The following MREG variants were observed in gnomAD, a reference collection of about 807,000 sequenced individuals.
MREG encodes melanoregulin, also known as dilute suppressor protein homolog.
In MREG, 31 loss-of-function variants were observed where a neutral mutation model predicts 28.5. The ratio of observed to expected loss-of-function variants is 1.09; its 90% CI spans 0.82 to 1.47. MREG has a LOEUF of 1.47. MREG is among the 40% of genes most tolerant of loss of function. The pLI, the probability that MREG is intolerant of heterozygous loss-of-function variation, is 0.00. For synonymous variants in MREG, 106 were observed against 95.2 expected (o/e 1.11, Z -0.66); for missense variants, 256 against 257.4 (o/e 0.99, Z 0.04).
Position 215,945,663 on chromosome 2 carries a change from T to A in MREG, c.418A>T (p.Arg140Trp). Residue 140 changes from arginine (R) to tryptophan (W), a missense_variant, in exon 4 of 5, where the codon AGG (arginine) becomes TGG (tryptophan). Physicochemically the swap from Arg to Trp is moderately radical, Grantham distance 101. Transcript: ENST00000263268. ...TTTAACAACATCTCTCGAGCTTTCC[T>A]TGTGTTTTTAGAATCACTGATGGTG... ...LSTISDSKNTRKAREMLLKLA... is the reference protein window; with the variant it reads ...LSTISDSKNTWKAREMLLKLA... The A allele has an allele frequency of 6.2e-7, 1 of 1,614,016 alleles. No homozygotes were observed. Among genetic ancestry groups the A allele is most frequent in the East Asian group, 2.2e-5 (1 of 44,880 alleles).
At chr2:215,950,864 G>C (rs1443021557) in intron 2 of MREG, among the ~76,000 whole-genome samples, 1 of 152,176 alleles carries the variant, frequency 6.6e-6, no homozygotes, top group Non-Finnish European at 1.5e-5. Flanking sequence ...TGTTGAAGGA[G>C]GGGCCTGGTG....
chr2:216,000,705 T>C (rs1693994350), intron 1 of MREG, among the ~76,000 whole-genome samples: 1 of 152,178 alleles, frequency 6.6e-6, no homozygotes, highest in Non-Finnish European at 1.5e-5. Context: ...GACACAGCAG[T>C]TGCCTTAAAA....
chr2:216,024,968 G>T (rs1694573886), intron 1 of MREG, among the ~76,000 whole-genome samples: 1 of 140,902 alleles, frequency 7.1e-6, no homozygotes, highest in Non-Finnish European at 1.5e-5. Flanking sequence ...GAAAGGAAAG[G>T]AAAGGAAAAA....
At chr2:216,007,933 A>G (rs910169917) in intron 1 of MREG, among the ~76,000 whole-genome samples, 1 of 152,192 alleles carries the variant, frequency 6.6e-6, no homozygotes, top group Non-Finnish European at 1.5e-5. Flanking sequence ...AGGCAGAAAC[A>G]CATAAAAAAA....
chr2:215,982,576 A>G (rs1243267755), intron 2 of MREG, among the ~76,000 whole-genome samples: 2 of 152,222 alleles, frequency 1.3e-5, no homozygotes, highest in African/African-American at 4.8e-5. Context: ...TCCATGACTC[A>G]GTTGACACAG....
upstream of MREG, among the ~76,000 whole-genome samples, chr2:216,017,767 T>A (rs556626052): frequency 4.6e-5 from 7 of 152,242 alleles, no homozygotes; most frequent in South Asian, 1.5e-3. Context: ...CTAGTAGAAT[T>A]TGGAGGCCCC....
At chr2:216,007,558 T>C (rs1694192287) in intron 1 of MREG, among the ~76,000 whole-genome samples, 1 of 151,970 alleles carries the variant, frequency 6.6e-6, no homozygotes, top group Non-Finnish European at 1.5e-5. Flanking sequence ...GCCTCCAGAG[T>C]AGCTGGGATT....
chr2:215,970,547 GCC>G, intron 2 of MREG, among the ~76,000 whole-genome samples: 1 of 152,190 alleles, frequency 6.6e-6, no homozygotes, highest in Non-Finnish European at 1.5e-5. Context: ...TGTGACTCAA[GCC>G]TCTCTAACAA....
At chr2:215,954,082 G>T (rs2105972993) in intron 2 of MREG, among the ~76,000 whole-genome samples, 1 of 152,236 alleles carries the variant, frequency 6.6e-6, no homozygotes, top group South Asian at 2.1e-4. Context: ...TGCCTCCCCT[G>T]AATTCTGTCC....
At chr2:216,013,944 A>G (rs1245073536), upstream of MREG, among the ~76,000 whole-genome samples, 4 of 152,118 alleles carry the variant, frequency 2.6e-5, no homozygotes, top group African/African-American at 4.8e-5. Flanking sequence ...TATATTTACA[A>G]TGATTTGAAA....
At chr2:215,940,969 T>C (rs79367725), downstream of MREG, among the ~76,000 whole-genome samples, 12,342 of 152,306 alleles carry the variant, frequency 0.081, 603 homozygotes, top group Middle Eastern at 0.21. Context: ...CCACAAACCA[T>C]GTAGCTGACC....
chr2:216,013,142 C>T, intron 1 of MREG, 91 bp downstream of exon 1: 1 of 1,164,424 alleles, frequency 8.6e-7, no homozygotes, highest in Non-Finnish European at 1.2e-6. Context: ...AGCCCACCTC[C>T]CCAACTCACA....
At chr2:216,005,361 A>G (rs1249247600) in intron 1 of MREG, among the ~76,000 whole-genome samples, 1 of 151,610 alleles carries the variant, frequency 6.6e-6, no homozygotes, top group South Asian at 2.1e-4. Flanking sequence ...AAGTCTAGAC[A>G]TGATCAAGGA....
At chr2:216,002,003 A>G (rs1475368335) in intron 1 of MREG, among the ~76,000 whole-genome samples, 1 of 152,192 alleles carries the variant, frequency 6.6e-6, no homozygotes, top group East Asian at 1.9e-4. Context: ...GGCGGGAAAC[A>G]GACCATAAGT....
chr2:215,969,942 G>A (rs1248755137), intron 2 of MREG, among the ~76,000 whole-genome samples: 3 of 152,178 alleles, frequency 2.0e-5, no homozygotes, highest in Admixed American at 2.0e-4. Context: ...CATTTAGTTA[G>A]AAAGCATTCA....
intron 1 of MREG, among the ~76,000 whole-genome samples, chr2:216,025,023 A>C (rs1369053523): frequency 6.6e-6 from 1 of 152,100 alleles, no homozygotes; most frequent in Admixed American, 6.6e-5. Flanking sequence ...GAAGAAAGAA[A>C]GAAAATGTAT....
intron 2 of MREG, among the ~76,000 whole-genome samples, chr2:215,954,273 G>A (rs1692560709): frequency 1.3e-5 from 2 of 152,150 alleles, no homozygotes; most frequent in African/African-American, 4.8e-5. Context: ...CTAATGACCA[G>A]TTCAAAGTTC....
chr2:215,994,315 G>A (rs1329831705), intron 2 of MREG, among the ~76,000 whole-genome samples: 1 of 151,688 alleles, frequency 6.6e-6, no homozygotes, highest in East Asian at 1.9e-4. Context: ...CACAGGAACA[G>A]AAAACCAAAC....
At chr2:215,955,936 G>T (rs1032728294) in intron 2 of MREG, among the ~76,000 whole-genome samples, 1 of 152,158 alleles carries the variant, frequency 6.6e-6, no homozygotes, top group Non-Finnish European at 1.5e-5. Context: ...CTGGAGAAAG[G>T]TCTCCAGTAA....
Sources: allele counts gnomAD v4.1 joint callset (sites outside exome capture counted in the v4.1 genomes callset), GRCh38; gene constraint gnomAD v4.1.1; transcripts MANE v1.5; gene names NCBI Gene and HGNC (gene_info 2026-07-23, HGNC 2026-07-21).